DHX32: variants seen among roughly 807,000 people sequenced by gnomAD.
DHX32 encodes the protein putative pre-mRNA-splicing factor ATP-dependent RNA helicase DHX32.
Under a neutral mutation model 70.0 loss-of-function variants are expected in DHX32, and 51 were observed. The ratio of observed to expected loss-of-function variants is 0.73; its 90% CI spans 0.58 to 0.92. The LOEUF (loss-of-function observed/expected upper bound fraction) is 0.92. Among genes scored for constraint, DHX32 ranks in the 40% least tolerant of loss-of-function variants. The probability of loss-of-function intolerance (pLI) is 0.00; values close to 1 mark genes in which losing one functional copy is unlikely to be tolerated. For missense variants in DHX32, 762 were observed against 891.8 expected (o/e 0.85, Z 1.85); for synonymous variants, 310 against 315.3 (o/e 0.98, Z 0.18).
chr10:125,855,784 T>C (rs886205219), intron 3 of DHX32, among the ~76,000 whole-genome samples: 3 of 152,218 alleles, frequency 2.0e-5, no homozygotes, highest in African/African-American at 7.2e-5. Context: ...AAATATTTAC[T>C]TTTATTCTCC....
chr10:125,841,743 C>A lies in DHX32; in HGVS notation c.1543G>T (p.Ala515Ser). Residue 515 changes from alanine (A) to serine (S), a missense_variant and splice_region_variant, in exon 7 of 11, where the codon GCT becomes TCT. Physicochemically the swap from Ala to Ser is moderately conservative, Grantham distance 99. Transcript: ENST00000284690. ...EVLTIAAMVT[A>S]PNCFSHVPHG... ...GAAAAGGAATAGTCATTAAGGATACCTGTTACCATGGCTGCGATTGTTAGC... is the reference window on the plus strand; with the variant it reads ...GAAAAGGAATAGTCATTAAGGATACATGTTACCATGGCTGCGATTGTTAGC... The A allele has an allele frequency of 6.2e-7, 1 of 1,609,512 alleles. No individual in the cohort carries two copies.
intron 6 of DHX32, among the ~76,000 whole-genome samples, chr10:125,850,435 G>A (rs144370671): frequency 0.018 from 2,556 of 141,234 alleles, 83 homozygotes; most frequent in African/African-American, 0.064. Context: ...TTGGTTCACC[G>A]CAACCTCCAC....
In DHX32 at chr10:125,859,453, TCTC is replaced by T. The variant is rs1411640572; in HGVS notation, c.849+147_849+149del. 28 of 847,026 alleles carry T rather than the reference TCTC, an allele frequency of 3.3e-5. 1 individual carries two copies. The African/African-American group carries it at 4.3e-4, about 13-fold the overall frequency. The allele number at this position is 847,026 out of a possible 1,614,324, so 52.5% of individuals were successfully genotyped here. A position where few individuals can be genotyped will look rare whatever the true frequency, so the allele number is the denominator to read the frequency against. The stretch of plus-strand genomic sequence containing the variant: ...ATGTGATTTTAGAAACACTTCCTGT[TCTC>T]CTTTCAGCACAGGTTTTATTTAATG... On this transcript the variant is annotated intron_variant, in intron 3 of 10. Coordinates refer to ENST00000284690, the MANE Select transcript of DHX32 (RefSeq NM_018180.3).
intron 6 of DHX32, among the ~76,000 whole-genome samples, chr10:125,846,195 C>T (rs893842718): frequency 6.6e-6 from 1 of 152,210 alleles, no homozygotes; most frequent in African/African-American, 2.4e-5. Context: ...ACTGTTCTTA[C>T]AGCCAGGAAG....
chr10:125,859,341 ACT>A (rs1431098653), intron 3 of DHX32, among the ~76,000 whole-genome samples: 1 of 151,970 alleles, frequency 6.6e-6, no homozygotes, highest in Non-Finnish European at 1.5e-5. Context: ...TGGGGCAGCC[ACT>A]CTCTGGCCTG....
At chr10:125,853,192 T>C in intron 4 of DHX32, 1 of 1,613,220 alleles carries the variant, frequency 6.2e-7, no homozygotes, top group Non-Finnish European at 8.5e-7. Flanking sequence ...CAAGATCAAC[T>C]CTAAGTGATT....
chr10:125,841,996 C>T (rs1418000927), intron 6 of DHX32, 62 bp from the exon 7 acceptor site: 1 of 1,465,644 alleles, frequency 6.8e-7, no homozygotes, highest in Non-Finnish European at 8.9e-7. Flanking sequence ...GAAACAGGTA[C>T]TGGACTTTTC....
chr10:125,882,506 A>T (rs1944323284), upstream of DHX32, among the ~76,000 whole-genome samples: 1 of 152,186 alleles, frequency 6.6e-6, no homozygotes, highest in Non-Finnish European at 1.5e-5. Flanking sequence ...TAGGCACTAG[A>T]TACACACATA....
chr10:125,842,083 G>A (rs1854897568), intron 6 of DHX32, 149 bp from the exon 7 acceptor site: 2 of 1,039,662 alleles, frequency 1.9e-6, no homozygotes, highest in East Asian at 5.8e-5. Flanking sequence ...ACCAGGGAGT[G>A]AAGGATAGTG....
chr10:125,867,257 G>C, intron 1 of DHX32, 74 bp from the exon 2 acceptor site: 1 of 1,292,934 alleles, frequency 7.7e-7, no homozygotes, highest in Non-Finnish European at 1.1e-6. Context: ...TCTTACAGCA[G>C]GGTTCATCTT....
At chr10:125,848,289 C>G (rs1944049542) in intron 6 of DHX32, among the ~76,000 whole-genome samples, 1 of 152,176 alleles carries the variant, frequency 6.6e-6, no homozygotes, top group Non-Finnish European at 1.5e-5. Context: ...CACTTAATTT[C>G]ACAGGGACAT....
intron 2 of DHX32, among the ~76,000 whole-genome samples, chr10:125,864,964 A>AAAAAAAAAAAAAAAAAAAAAAC (rs1944211492): frequency 6.9e-6 from 1 of 144,690 alleles, no homozygotes; most frequent in Non-Finnish European, 1.5e-5. Context: ...AAAAAAAAAA[A>AAAAAAAAAAAAAAAAAAAAAAC]AAAGAAAGAA....
intron 6 of DHX32, among the ~76,000 whole-genome samples, chr10:125,850,134 TAAAAAAAAA>T (rs371549545): frequency 1.5e-5 from 2 of 133,540 alleles, no homozygotes; most frequent in Admixed American, 1.5e-4. Context: ...CCTGGCTCAT[TAAAAAAAAA>T]AAAAAAAAAA....
chr10:125,883,967 C>T (rs921206360), upstream of DHX32, among the ~76,000 whole-genome samples: 9 of 152,286 alleles, frequency 5.9e-5, no homozygotes, highest in Admixed American at 1.3e-4. Flanking sequence ...CTCTCCTAAC[C>T]GGTGCATTAG....
chr10:125,880,418 A>C lies in DHX32; in HGVS notation c.282+125T>G, dbSNP rs1335737826. ...ATTAGGTACGTGATTTAATTATTTT[A>C]TCTGAATAATGTTTTGTTTTTTGTT... On this transcript the variant is annotated intron_variant, in intron 1 of 10. Coordinates refer to ENST00000284690, the MANE Select transcript of DHX32 (RefSeq NM_018180.3). 14 of 995,836 alleles carry C rather than the reference A, an allele frequency of 1.4e-5. No homozygotes were observed. The East Asian group carries it at 3.8e-4, about 27-fold the overall frequency. 61.7% of individuals were successfully genotyped at this position (995,836 alleles called of 1,614,324 possible).
At chr10:125,865,490 T>G (rs1023089001) in intron 2 of DHX32, among the ~76,000 whole-genome samples, 10 of 152,134 alleles carry the variant, frequency 6.6e-5, no homozygotes, top group African/African-American at 2.4e-4. Context: ...AAGATAAACG[T>G]TTGAGGGAAA....
chr10:125,871,985 C>A, intron 1 of DHX32, among the ~76,000 whole-genome samples: 1 of 151,956 alleles, frequency 6.6e-6, no homozygotes, highest in East Asian at 1.9e-4. Context: ...GCCTCAGCGT[C>A]CCAAGTAGCT....
intron 8 of DHX32, among the ~76,000 whole-genome samples, chr10:125,840,063 C>T (rs531242216): frequency 3.3e-5 from 5 of 152,352 alleles, no homozygotes; most frequent in African/African-American, 1.2e-4. Context: ...CACTACTTCA[C>T]ATATTTTCAC....
chr10:125,842,876 A>G, intron 6 of DHX32: 1 of 672,818 alleles, frequency 1.5e-6, no homozygotes, highest in Non-Finnish European at 1.8e-6. Context: ...ATATATGCTC[A>G]GTCTTTACCA....
Sources: gnomAD v4.1 joint callset for allele counts (sites outside exome capture counted in the v4.1 genomes callset) on GRCh38, gnomAD v4.1.1 for gene constraint, MANE v1.5 for transcripts, NCBI Gene and HGNC (gene_info 2026-07-23, HGNC 2026-07-21) for gene names.